The following MRPL32 variants were observed in gnomAD, a reference collection of about 807,000 sequenced individuals.
MRPL32 encodes the protein large ribosomal subunit protein bL32m.
In MRPL32, 14 loss-of-function variants were observed where a neutral mutation model predicts 21.7. The observed-to-expected ratio is 0.64, with a 90% CI of 0.43 to 1.01. The LOEUF (loss-of-function observed/expected upper bound fraction) is 1.01, where lower values mean the gene tolerates loss of function less well. Among genes scored for constraint, MRPL32 ranks in the 50% least tolerant of loss-of-function variants. The probability of loss-of-function intolerance (pLI) is 0.00; values close to 1 mark genes in which losing one functional copy is unlikely to be tolerated. For synonymous variants in MRPL32, 83 were observed against 87.7 expected (o/e 0.95, Z 0.30); for missense variants, 211 against 235.9 (o/e 0.89, Z 0.69).
intron 1 of MRPL32, among the ~76,000 whole-genome samples, chr7:42,934,194 G>T (rs1786383928): frequency 1.3e-5 from 2 of 151,264 alleles, no homozygotes; most frequent in South Asian, 4.2e-4. Context: ...CTTGAACCAG[G>T]GAGGCGGAGG....
chr7:42,932,420 C>T lies in MRPL32; in HGVS notation c.34C>T (p.Pro12Ser). The T allele has an allele frequency of 6.2e-7, 1 of 1,610,678 alleles. No individual in the cohort carries two copies. Among genetic ancestry groups the T allele is most frequent in the South Asian group, 1.1e-5 (1 of 90,918 alleles). The change falls in exon 1 of 3, where the codon CCG becomes TCG. Residue 12 changes from proline to serine, a missense_variant. This residue lies in a region of MRPL32 where 81 missense variants were observed against 55.8 expected (regional missense o/e 1.45). Coordinates refer to ENST00000223324, the MANE Select transcript of MRPL32 (RefSeq NM_031903.3). Reference protein sequence around the residue: ...ALAMLVLVVSPWSAARGVLRN... With the variant: ...ALAMLVLVVSSWSAARGVLRN... ...GGCCATGCTGGTCTTGGTGGTTTCGCCGTGGTCTGCGGCCCGGGGAGTGCT... is the reference window on the plus strand; with the variant it reads ...GGCCATGCTGGTCTTGGTGGTTTCGTCGTGGTCTGCGGCCCGGGGAGTGCT...
In MRPL32 at chr7:42,932,837, G is replaced by A. The variant is rs977701265; in HGVS notation, c.130+321G>A. ...AGATTTTATTCAGTAACTACTGCAG[G>A]TAAAGAGCTGAGCTCCATCCCGGTT... On this transcript the variant is annotated intron_variant, in intron 1 of 2. Transcript: ENST00000223324. Among the ~76,000 whole-genome samples, 25 of 73,350 alleles carry A rather than the reference G, an allele frequency of 3.4e-4. 1 individual carries two copies. The highest frequency in any genetic ancestry group is 2.8e-3 in the Admixed American group (20 of 7,026). The allele number at this position is 73,350 out of a possible 152,430, so 48.1% of individuals were successfully genotyped here. A position where few individuals can be genotyped will look rare whatever the true frequency, so the allele number is the denominator to read the frequency against.
In MRPL32 at chr7:42,937,515, A is replaced by G; in HGVS notation, c.506A>G (p.Asp169Gly). Residue 169 changes from aspartate to glycine, a missense_variant, in exon 3 of 3, where the codon GAT (aspartate) becomes GGT (glycine). By Grantham distance (94) the Asp-to-Gly change is moderately conservative. Transcript: ENST00000223324. Reference sequence around the variant, plus strand: ...ACGGGAGAGACACCGTCTGAACAAGATCAGGGCAAGAGGATCATTGAACGA... The same window carrying G: ...ACGGGAGAGACACCGTCTGAACAAGGTCAGGGCAAGAGGATCATTGAACGA... ...LYTGETPSEQ[D>G]QGKRIIERDR... 1.2e-6 allele frequency: 2 copies of G among 1,614,098 alleles called. No individual in the cohort carries two copies. The highest frequency in any genetic ancestry group is 2.2e-5 in the East Asian group (1 of 44,862).
intron 2 of MRPL32, chr7:42,936,378 G>T (rs1301657100): frequency 6.6e-6 from 1 of 152,148 alleles, no homozygotes; most frequent in Non-Finnish European, 1.5e-5. Flanking sequence ...GACTGTGGGT[G>T]TCTTCATACC....
rs1786441465 is a variant in MRPL32, at chr7:42,937,322, A to G, written c.313A>G (p.Asn105Asp). 1 of 1,613,906 alleles carries G rather than the reference A, an allele frequency of 6.2e-7. No individual in the cohort carries two copies. Among genetic ancestry groups the G allele is most frequent in the African/African-American group, 1.3e-5 (1 of 74,916 alleles). Reference protein sequence around the residue: ...RNPQKLIKVKNNIDVCPECGH... With the variant: ...RNPQKLIKVKDNIDVCPECGH... ...TACGTTTTTGTTTATTGTTTTAAAG[A>G]ACAACATAGACGTTTGTCCTGAATG... is the stretch of plus-strand genomic sequence containing the variant. The change falls in exon 3 of 3, where the codon AAC (asparagine) becomes GAC (aspartate). Residue 105 changes from asparagine to aspartate, a missense_variant and splice_region_variant. By Grantham distance (23) the Asn-to-Asp change is conservative. Around this residue, in one of 2 missense-constraint regions of MRPL32, gnomAD observed 130 missense variants for 180.1 expected, o/e 0.72. Coordinates refer to ENST00000223324, the MANE Select transcript of MRPL32 (RefSeq NM_031903.3).
chr7:42,935,188 A>T, intron 2 of MRPL32, 52 bp downstream of exon 2: 1 of 1,475,160 alleles, frequency 6.8e-7, no homozygotes, highest in Non-Finnish European at 9.3e-7. Context: ...TCCATTGAAT[A>T]AGCTCATGGT....
At chr7:42,935,690 C>T (rs1786412313) in intron 2 of MRPL32, 1 of 152,066 alleles carries the variant, frequency 6.6e-6, no homozygotes, top group Non-Finnish European at 1.5e-5. Context: ...TTATAGCCCT[C>T]CAAAGCAAAT....
At chr7:42,934,856 G>C in intron 1 of MRPL32, 99 bp from the exon 2 acceptor site, 1 of 835,852 alleles carries the variant, frequency 1.2e-6, no homozygotes. Context: ...TTTTGTGTGT[G>C]TGTATGTTTG....
intron 1 of MRPL32, 138 bp downstream of exon 1, chr7:42,932,654 C>G: frequency 1.1e-6 from 1 of 882,790 alleles, no homozygotes; most frequent in South Asian, 2.5e-5. Flanking sequence ...TCGTGACATT[C>G]CCATATTAGC....
rs567569170 is a variant in MRPL32, at chr7:42,932,743, A to T, written c.130+227A>T. Among the ~76,000 whole-genome samples the T allele has an allele frequency of 2.0e-5, 3 of 151,770 alleles. No individual in the cohort carries two copies. In the South Asian group the frequency reaches 6.2e-4, roughly 32 times the overall value. On this transcript the variant is annotated intron_variant, in intron 1 of 2. Coordinates refer to ENST00000223324, the MANE Select transcript of MRPL32 (RefSeq NM_031903.3). The stretch of plus-strand genomic sequence containing the variant: ...AAATTCCTCTGCTTGTTCCATTCGT[A>T]CACAGAATGTAACCCAAGCTTGTGT...
intron 1 of MRPL32, among the ~76,000 whole-genome samples, chr7:42,934,705 G>A (rs1786396478): frequency 6.6e-6 from 1 of 152,166 alleles, no homozygotes; most frequent in Non-Finnish European, 1.5e-5. Context: ...TAAGAAACTT[G>A]ATGGAATTTC....
intron 1 of MRPL32, among the ~76,000 whole-genome samples, chr7:42,934,719 G>A (rs1279158940): frequency 6.6e-6 from 1 of 152,188 alleles, no homozygotes; most frequent in African/African-American, 2.4e-5. Flanking sequence ...GAATTTCACT[G>A]ATCTTCTTTT....
chr7:42,932,655 C>A, intron 1 of MRPL32, 139 bp downstream of exon 1: 1 of 892,364 alleles, frequency 1.1e-6, no homozygotes, highest in Non-Finnish European at 1.6e-6. Flanking sequence ...CGTGACATTC[C>A]CATATTAGCG....
intron 1 of MRPL32, among the ~76,000 whole-genome samples, chr7:42,933,313 GCTAGA>G (rs1265106723): frequency 2.0e-5 from 3 of 152,140 alleles, no homozygotes; most frequent in Non-Finnish European, 4.4e-5. Context: ...TAGAAACTAT[GCTAGA>G]GTTTGGTCAA....
chr7:42,936,646 T>C (rs1786428597), intron 2 of MRPL32: 1 of 150,018 alleles, frequency 6.7e-6, no homozygotes, highest in East Asian at 1.9e-4. Flanking sequence ...TGTTTCTATT[T>C]TATATTTAAA....
intron 1 of MRPL32, among the ~76,000 whole-genome samples, chr7:42,932,721 T>A (rs1009882498): frequency 7.2e-5 from 10 of 138,162 alleles, no homozygotes; most frequent in African/African-American, 2.4e-4. Flanking sequence ...AAAAAAAAAA[T>A]TCCTCTGCTT....
Position 42,932,435 on chromosome 7 carries a change from C to G in MRPL32, c.49C>G (p.Arg17Gly), listed in dbSNP as rs201769152. 9 of 1,612,388 alleles carry G rather than the reference C, an allele frequency of 5.6e-6. No individual in the cohort carries two copies. In the South Asian group the frequency reaches 9.9e-5, roughly 18 times the overall value. Residue 17 changes from arginine (R) to glycine (G), a missense_variant, in exon 1 of 3, where the codon CGG becomes GGG. Transcript: ENST00000223324. Reference sequence around the variant, plus strand: ...GGTGGTTTCGCCGTGGTCTGCGGCCCGGGGAGTGCTTCGAAACTACTGGGA... The same window carrying G: ...GGTGGTTTCGCCGTGGTCTGCGGCCGGGGGAGTGCTTCGAAACTACTGGGA... ...VLVVSPWSAARGVLRNYWERL... is the reference protein window; with the variant it reads ...VLVVSPWSAAGGVLRNYWERL...
chr7:42,935,207 A>G (rs1219922176), intron 2 of MRPL32, 71 bp downstream of exon 2: 4 of 1,288,620 alleles, frequency 3.1e-6, no homozygotes, highest in Non-Finnish European at 3.2e-6. Context: ...GTAGATTCCT[A>G]TAGCCTAGGA....
rs373928165 is a variant in MRPL32, at chr7:42,935,073, T to C, written c.249T>C (p.Asn83=). 28 of 1,614,010 alleles carry C rather than the reference T, an allele frequency of 1.7e-5. No individual in the cohort carries two copies. The highest frequency in any genetic ancestry group is 1.1e-4 in the African/African-American group (8 of 74,928). The part of the protein sequence containing the change: ...DSIFWMAAPK[N]RRTIEVNRCR... ...TCTTTTGGATGGCAGCTCCCAAAAA[T>C]AGACGCACCATTGAAGTTAACCGGT... Residue 83 remains asparagine (N), a synonymous_variant, in exon 2 of 3, where the codon AAT becomes AAC. Coordinates refer to ENST00000223324, the MANE Select transcript of MRPL32 (RefSeq NM_031903.3).
Sources: gnomAD v4.1 joint callset for allele counts (sites outside exome capture counted in the v4.1 genomes callset) on GRCh38, gnomAD v4.1.1 for gene constraint, gnomAD v4.1.1 regional missense constraint, MANE v1.5 for transcripts, NCBI Gene and HGNC (gene_info 2026-07-23, HGNC 2026-07-21) for gene names.